Variants in ATP11C observed in about 807,000 individuals in gnomAD.
ATP11C encodes the protein phospholipid-transporting ATPase IG.
Under a neutral mutation model 97.4 loss-of-function variants are expected in ATP11C, and 36 were observed. The ratio of observed to expected loss-of-function variants is 0.37; its 90% confidence interval spans 0.28 to 0.49. The LOEUF (loss-of-function observed/expected upper bound fraction) is 0.49, where lower values mean the gene tolerates loss of function less well. Ranked by LOEUF, ATP11C falls within the 20% of genes least tolerant of loss-of-function variation. The probability of loss-of-function intolerance (pLI) is 0.98; values close to 1 mark genes in which losing one functional copy is unlikely to be tolerated. For synonymous variants in ATP11C, 275 were observed against 290.9 expected (o/e 0.95, Z 0.56); for missense variants, 730 against 824.6 (o/e 0.89, Z 1.40).
At chrX:139,778,713 C>T (rs1040320306) in intron 18 of ATP11C, among the ~76,000 whole-genome samples, 19 of 111,127 alleles carry the variant, frequency 1.7e-4, no homozygotes, top group Non-Finnish European at 3.2e-4. Flanking sequence ...ACCCGTAGTC[C>T]CAGCTACTCA....
At chrX:139,737,874 C>A (rs2148618957) in intron 28 of ATP11C, 42 bp downstream of exon 28, 1 of 1,178,824 alleles carries the variant, frequency 8.5e-7, no homozygotes, top group Non-Finnish European at 1.1e-6. Flanking sequence ...GATATTGAGG[C>A]CCCTTCCAAA....
Position 139,924,368 on chromosome X carries a change from C to T in ATP11C, c.27+7648G>A. ...AAGAAAAGATGTGATTGCTGGGAGT[C>T]TGTCTCAGCTGTACTGCTGATTAGC... On this transcript the variant is annotated intron_variant, in intron 1 of 29. Transcript: ENST00000682941. The T allele has an allele frequency of 2.5e-5, 7 of 277,077 alleles. No homozygotes were observed. The South Asian group carries it at 2.7e-4, about 11-fold the overall frequency. The allele number at this position is 277,077 out of a possible 1,213,427, so 22.8% of individuals were successfully genotyped here.
At chrX:139,922,948 T>A (rs2085290963) in intron 1 of ATP11C, among the ~76,000 whole-genome samples, 1 of 110,746 alleles carries the variant, frequency 9.0e-6, no homozygotes, top group African/African-American at 3.3e-5. Context: ...CCATCACACC[T>A]GGCTAATTTT....
rs190275741 is a variant in ATP11C at position 139,832,990 on chromosome X, A to G, written c.28-6167T>C. Among the ~76,000 whole-genome samples the G allele has an allele frequency of 3.6e-5, 4 of 112,439 alleles. No individual in the cohort carries two copies. In the East Asian group the frequency reaches 1.1e-3, roughly 31 times the overall value. On this transcript the variant is annotated intron_variant, in intron 1 of 29. Coordinates refer to ENST00000682941, the MANE Select transcript of ATP11C (RefSeq NM_001353812.2). ...TCCAAAAATTACTTTCTAGATCACCACAGAAGAATTTTTATTACAGTTTAA... is the reference window on the plus strand; with the variant it reads ...TCCAAAAATTACTTTCTAGATCACCGCAGAAGAATTTTTATTACAGTTTAA...
At chrX:139,864,198 G>C (rs2084247477) in intron 1 of ATP11C, among the ~76,000 whole-genome samples, 1 of 112,230 alleles carries the variant, frequency 8.9e-6, no homozygotes, top group Non-Finnish European at 1.9e-5. Context: ...ACATAAATCA[G>C]TATGTATAAT....
chrX:139,877,327 T>C (rs1353825385), intron 1 of ATP11C, among the ~76,000 whole-genome samples: 2 of 112,499 alleles, frequency 1.8e-5, no homozygotes. Context: ...CCAATATCAT[T>C]TTAGAAGACA....
At chrX:139,754,765 T>C (rs2081895560) in intron 23 of ATP11C, among the ~76,000 whole-genome samples, 1 of 112,100 alleles carries the variant, frequency 8.9e-6, no homozygotes, top group Non-Finnish European at 1.9e-5. Context: ...ATCATCTCAA[T>C]AGATGCAGAA....
chrX:139,746,527 C>T (rs2081690335), intron 24 of ATP11C, among the ~76,000 whole-genome samples: 1 of 112,117 alleles, frequency 8.9e-6, no homozygotes, highest in African/African-American at 3.2e-5. Context: ...CTCAACCAAG[C>T]TACCAAGCTT....
chrX:139,730,092 G>A (rs1056363837), intron 29 of ATP11C, among the ~76,000 whole-genome samples: 2 of 111,667 alleles, frequency 1.8e-5, no homozygotes, highest in African/African-American at 6.5e-5. Context: ...GTCTTTGGAG[G>A]AGAAATAATG....
At position 139,747,624 on chromosome X, in the gene ATP11C, T is replaced by C. The variant is rs988360377; in HGVS notation, c.2829-1767A>G. Among the ~76,000 whole-genome samples, 7 of 112,079 alleles carry C rather than the reference T, an allele frequency of 6.2e-5. No homozygotes were observed. In the East Asian group the frequency reaches 2.0e-3, roughly 32 times the overall value. On this transcript the variant is annotated intron_variant, in intron 24 of 29. Coordinates refer to ENST00000682941, the MANE Select transcript of ATP11C (RefSeq NM_001353812.2). ...TTATTTCTTACATTTCTCTTAAAAATATAAAAGCATCCAATTATGTCATCT... is the reference window on the plus strand; with the variant it reads ...TTATTTCTTACATTTCTCTTAAAAACATAAAAGCATCCAATTATGTCATCT...
intron 1 of ATP11C, among the ~76,000 whole-genome samples, chrX:139,854,167 T>C (rs749560324): frequency 5.0e-4 from 56 of 112,170 alleles, no homozygotes; most frequent in African/African-American, 1.7e-3. Context: ...CAAACATGGA[T>C]GAGCTGTTTC....
Position 139,737,897 on chromosome X carries a change from A to C in ATP11C, c.3288+19T>G. ...GGCCCCTTCCAAAAATCAGGTTGTA[A>C]GATAAACTTAGTTCTTACCCTGGCA... is the stretch of plus-strand genomic sequence containing the variant. On this transcript the variant is annotated intron_variant, in intron 28 of 29. Coordinates refer to ENST00000682941, the MANE Select transcript of ATP11C (RefSeq NM_001353812.2). The C allele has an allele frequency of 8.4e-7, 1 of 1,197,340 alleles. No individual in the cohort carries two copies. Among genetic ancestry groups the C allele is most frequent in the African/African-American group, 1.8e-5 (1 of 57,138 alleles).
At chrX:139,846,745 T>G (rs1332265389) in intron 1 of ATP11C, among the ~76,000 whole-genome samples, 3 of 111,244 alleles carry the variant, frequency 2.7e-5, no homozygotes, top group Non-Finnish European at 5.7e-5. Context: ...GTATTTTGAC[T>G]GAAACAGACT....
intron 1 of ATP11C, among the ~76,000 whole-genome samples, chrX:139,859,908 C>T (rs1261299899): frequency 4.9e-5 from 4 of 82,144 alleles, no homozygotes; most frequent in Admixed American, 1.4e-4. Flanking sequence ...GAGACCATCC[C>T]GGCTAAAAAC....
intron 1 of ATP11C, among the ~76,000 whole-genome samples, chrX:139,900,166 C>A (rs1000090651): frequency 1.8e-5 from 2 of 110,562 alleles, no homozygotes; most frequent in Non-Finnish European, 3.8e-5. Context: ...GTCGAGAGAT[C>A]GAGACCATCC....
At chrX:139,861,182 T>A (rs772057191) in intron 1 of ATP11C, among the ~76,000 whole-genome samples, 1 of 111,860 alleles carries the variant, frequency 8.9e-6, no homozygotes, top group Non-Finnish European at 1.9e-5. Flanking sequence ...CTAGAAAACA[T>A]AGACAGTCCA....
At chrX:139,915,209 C>T (rs1384568900) in intron 1 of ATP11C, among the ~76,000 whole-genome samples, 1 of 111,767 alleles carries the variant, frequency 8.9e-6, no homozygotes, top group African/African-American at 3.3e-5. Context: ...GCAATAAGGA[C>T]TTAAATGAGA....
chrX:139,890,894 A>G (rs1388653772), intron 1 of ATP11C, among the ~76,000 whole-genome samples: 2 of 111,322 alleles, frequency 1.8e-5, no homozygotes, highest in Admixed American at 1.9e-4. Flanking sequence ...TTCACCAGGA[A>G]AGCAAAAATG....
chrX:139,761,871 T>TAAA, intron 22 of ATP11C, 90 bp downstream of exon 22: 2 of 560,616 alleles, frequency 3.6e-6, no homozygotes, highest in Non-Finnish European at 4.9e-6. Context: ...AAAGCAGCAT[T>TAAA]AAAAAAAAAA....
Sources: gnomAD v4.1 joint callset for allele counts (sites outside exome capture counted in the v4.1 genomes callset) on GRCh38, gnomAD v4.1.1 for gene constraint, MANE v1.5 for transcripts, NCBI Gene and HGNC (gene_info 2026-07-23, HGNC 2026-07-21) for gene names.